The following SH3GL1 variants were observed in gnomAD, a reference collection of about 807,000 sequenced individuals.
SH3GL1 encodes SH3 domain containing GRB2 like 1, endophilin A2.
In SH3GL1, 21 loss-of-function variants were observed where a neutral mutation model predicts 48.8. The observed-to-expected ratio is 0.43, with a 90% CI of 0.30 to 0.62. SH3GL1 has a LOEUF of 0.62. Ranked by LOEUF, SH3GL1 falls within the 20% of genes least tolerant of loss-of-function variation. The pLI, the probability that SH3GL1 is intolerant of heterozygous loss-of-function variation, is 0.11. For missense variants in SH3GL1, 454 were observed against 503.0 expected (o/e 0.90, Z 0.93); for synonymous variants, 282 against 217.5 (o/e 1.30, Z -2.61).
At position 4,362,530 on chromosome 19, in the gene SH3GL1, CAG is replaced by C. The variant is rs1043511187; in HGVS notation, c.853+80_853+81del. 3.3e-5 allele frequency: 52 copies of C among 1,599,754 alleles called. No homozygotes were observed. In the African/African-American group the frequency reaches 6.4e-4, roughly 20 times the overall value. On this transcript the variant is annotated intron_variant, in intron 8 of 9. Coordinates refer to ENST00000269886, the MANE Select transcript of SH3GL1 (RefSeq NM_003025.4). ...GAGCTGCACCCAGGAGTCTGGCGCT[CAG>C]AGACCCAGGACAGGGCCAGCCCTTG...
chr19:4,374,943 A>G (rs923081509), intron 1 of SH3GL1, among the ~76,000 whole-genome samples: 56 of 152,292 alleles, frequency 3.7e-4, no homozygotes, highest in African/African-American at 1.3e-3. Flanking sequence ...CATGGGCCAC[A>G]CGCTGTCCCA....
rs558073968 is a variant in SH3GL1, at chr19:4,376,399, C to T, written c.46-9405G>A. Among the ~76,000 whole-genome samples, 38 of 152,292 alleles carry T rather than the reference C, an allele frequency of 2.5e-4. No individual in the cohort carries two copies. Among genetic ancestry groups the T allele is most frequent in the Non-Finnish European group, 4.7e-4 (32 of 68,028 alleles). On this transcript the variant is annotated intron_variant, in intron 1 of 9. Transcript: ENST00000269886. The surrounding 1 kb of genome is among the most constrained non-coding windows in gnomAD (Gnocchi z 4.3). ...CTGTAGAGAACCTCAGCGCCCTCCT[C>T]CCTGCCGGCAGCCAGGCAGGGATTT...
At position 4,361,883 on chromosome 19, in the gene SH3GL1, G is replaced by T. The variant is rs540060168; in HGVS notation, c.911-87C>A. On this transcript the variant is annotated intron_variant, in intron 9 of 9. Transcript: ENST00000269886. The stretch of plus-strand genomic sequence containing the variant: ...TCTCAGACCTGCTGTGACCTGGAGC[G>T]TGTGGGTGGGCATGGGCCTCCCCTC... The T allele has an allele frequency of 2.6e-5, 25 of 980,152 alleles. 1 individual carries two copies. Among genetic ancestry groups the T allele is most frequent in the Middle Eastern group, 2.2e-4 (1 of 4,454 alleles). 60.7% of individuals were successfully genotyped at this position (980,152 alleles called of 1,614,324 possible).
In SH3GL1 at chr19:4,361,043, G is replaced by A. The variant is rs944229812; in HGVS notation, c.*557C>T. ...GTGAGGCCCTCTGCCCTGGCCTTGA[G>A]GAGAAGGAGTGCGTGTGTGAGGCGG... On this transcript the variant is annotated 3_prime_UTR_variant, in exon 10 of 10. Transcript: ENST00000269886. 2.6e-5 allele frequency: 6 copies of A among 234,142 alleles called. No homozygotes were observed. Among genetic ancestry groups the A allele is most frequent in the Non-Finnish European group, 5.1e-5 (6 of 118,734 alleles). The allele number at this position is 234,142 out of a possible 1,614,324, so 14.5% of individuals were successfully genotyped here. A position where few individuals can be genotyped will look rare whatever the true frequency, so the allele number is the denominator to read the frequency against.
At chr19:4,377,509 T>C (rs1973033294) in intron 1 of SH3GL1, among the ~76,000 whole-genome samples, 1 of 152,156 alleles carries the variant, frequency 6.6e-6, no homozygotes, top group Non-Finnish European at 1.5e-5. Context: ...TTTTCTGAGG[T>C]GTGGCTACCA....
At chr19:4,366,424 C>G (rs767266108) in intron 3 of SH3GL1, 77 bp downstream of exon 3, 1 of 1,174,906 alleles carries the variant, frequency 8.5e-7, no homozygotes, top group African/African-American at 1.5e-5. Context: ...CCTGGCGGTT[C>G]TGTCATCCCC....
intron 1 of SH3GL1, among the ~76,000 whole-genome samples, chr19:4,385,072 C>G (rs181641337): frequency 6.7e-6 from 1 of 150,292 alleles, no homozygotes; most frequent in Non-Finnish European, 1.5e-5. Context: ...CCATTGCACT[C>G]CAGCCTGGGT....
Position 4,361,467 on chromosome 19 carries a change from C to G in SH3GL1, c.*133G>C, listed in dbSNP as rs1036337291. 9 of 674,196 alleles carry G rather than the reference C, an allele frequency of 1.3e-5. No homozygotes were observed. In the African/African-American group the frequency reaches 1.6e-4, roughly 12 times the overall value. The allele number at this position is 674,196 out of a possible 1,614,324, so 41.8% of individuals were successfully genotyped here. On this transcript the variant is annotated 3_prime_UTR_variant, in exon 10 of 10. Transcript: ENST00000269886. Reference sequence around the variant, plus strand: ...GTGGGGTCCTGCTCAGGGAGTACCTCAAGGGCCGGGGCCCAGGTGGCGCCG... The same window carrying G: ...GTGGGGTCCTGCTCAGGGAGTACCTGAAGGGCCGGGGCCCAGGTGGCGCCG...
At chr19:4,385,330 C>T (rs1973216301) in intron 1 of SH3GL1, among the ~76,000 whole-genome samples, 1 of 152,288 alleles carries the variant, frequency 6.6e-6, no homozygotes, top group Non-Finnish European at 1.5e-5. Context: ...ATGATACAAC[C>T]TTCATGAGGT....
chr19:4,363,253 G>C, intron 7 of SH3GL1, 117 bp downstream of exon 7: 1 of 808,646 alleles, frequency 1.2e-6, no homozygotes, highest in South Asian at 1.6e-5. Flanking sequence ...TCCCCAGGAA[G>C]AATCCAGGAT....
At chr19:4,397,161 A>C (rs1219828116) in intron 1 of SH3GL1, among the ~76,000 whole-genome samples, 1 of 152,212 alleles carries the variant, frequency 6.6e-6, no homozygotes. Flanking sequence ...CTGAGATGTC[A>C]GAGGGAACCA....
chr19:4,369,991 G>C (rs929504039), intron 1 of SH3GL1, among the ~76,000 whole-genome samples: 1 of 152,202 alleles, frequency 6.6e-6, no homozygotes, highest in Non-Finnish European at 1.5e-5. Flanking sequence ...GAAACCAAGC[G>C]TGGGCTCCTG....
intron 1 of SH3GL1, among the ~76,000 whole-genome samples, chr19:4,398,140 T>C (rs1307349265): frequency 3.3e-5 from 5 of 151,532 alleles, no homozygotes; most frequent in African/African-American, 1.2e-4. Flanking sequence ...CCACAGCACC[T>C]GGCAGGGTCC....
chr19:4,393,756 C>T (rs1178072470), intron 1 of SH3GL1, among the ~76,000 whole-genome samples: 1 of 151,942 alleles, frequency 6.6e-6, no homozygotes, highest in Non-Finnish European at 1.5e-5. Flanking sequence ...CGCCACTGCA[C>T]TCCAGCCTGG....
intron 1 of SH3GL1, among the ~76,000 whole-genome samples, chr19:4,368,207 C>T (rs1378483705): frequency 6.6e-6 from 1 of 152,242 alleles, no homozygotes; most frequent in Non-Finnish European, 1.5e-5. Context: ...CTGCCCCGAG[C>T]TGTCACAAGA....
In SH3GL1 at chr19:4,376,699, A is replaced by C. The variant is rs1407583317; in HGVS notation, c.46-9705T>G. Among the ~76,000 whole-genome samples the C allele has an allele frequency of 6.6e-6, 1 of 151,072 alleles. No homozygotes were observed. Among genetic ancestry groups the C allele is most frequent in the South Asian group, 2.1e-4 (1 of 4,794 alleles). On this transcript the variant is annotated intron_variant, in intron 1 of 9. Transcript: ENST00000269886. The surrounding 1 kb of genome is among the most constrained non-coding windows in gnomAD (Gnocchi z 4.3). ...CTTCTCCCTCACTGAGCCTCCCTGGATCTTCCCATGCTGGGTCTTAGCCAC... is the reference window on the plus strand; with the variant it reads ...CTTCTCCCTCACTGAGCCTCCCTGGCTCTTCCCATGCTGGGTCTTAGCCAC...
intron 1 of SH3GL1, among the ~76,000 whole-genome samples, chr19:4,368,513 G>C (rs1053556952): frequency 6.6e-6 from 1 of 152,236 alleles, no homozygotes. Context: ...GGCTGGTCTT[G>C]TGTCCTGGCA....
In SH3GL1 at chr19:4,363,388, G is replaced by C. The variant is rs571418230; in HGVS notation, c.710C>G (p.Ala237Gly). ...RQAVQILDEL[A>G]EKLKRRMREA... ...GGCTCACCTGCGCTTGAGCTTCTCCGCCAGCTCGTCCAGGATCTGCACGGC... is the reference window on the plus strand; with the variant it reads ...GGCTCACCTGCGCTTGAGCTTCTCCCCCAGCTCGTCCAGGATCTGCACGGC... Residue 237 changes from alanine to glycine, a missense_variant, in exon 7 of 10, where the codon GCG becomes GGG. Around this residue, in one of 2 missense-constraint regions of SH3GL1, gnomAD observed 278 missense variants for 246.8 expected, o/e 1.13. Transcript: ENST00000269886. The C allele has an allele frequency of 1.2e-5, 19 of 1,606,732 alleles. No homozygotes were observed. The highest frequency in any genetic ancestry group is 1.5e-5 in the Non-Finnish European group (18 of 1,177,160).
chr19:4,386,806 C>T (rs1300983006), intron 1 of SH3GL1, among the ~76,000 whole-genome samples: 4 of 152,286 alleles, frequency 2.6e-5, no homozygotes, highest in African/African-American at 7.2e-5. Flanking sequence ...GAGGGCATGG[C>T]GGTGGGCCCC....
Sources: gnomAD v4.1 joint callset for allele counts (sites outside exome capture counted in the v4.1 genomes callset) on GRCh38, gnomAD v4.1.1 for gene constraint, gnomAD v4.1.1 regional missense constraint, Gnocchi (gnomAD v3.1) non-coding constraint, MANE v1.5 for transcripts, NCBI Gene and HGNC (gene_info 2026-07-23, HGNC 2026-07-21) for gene names.